Variants in PPP2R5A observed in about 807,000 individuals in gnomAD.
PPP2R5A encodes the protein serine/threonine-protein phosphatase 2A 56 kDa regulatory subunit alpha isoform.
PPP2R5A carries 25 observed loss-of-function variants against 64.2 expected under a neutral mutation model. The ratio of observed to expected loss-of-function variants is 0.39; its 90% CI spans 0.28 to 0.54. The LOEUF (loss-of-function observed/expected upper bound fraction) is 0.54, where lower values mean the gene tolerates loss of function less well. PPP2R5A is among the 20% of genes least tolerant of loss of function. The pLI is 0.67. For missense variants in PPP2R5A, 425 were observed against 576.3 expected, an observed-to-expected ratio of 0.74 and a Z score of 2.69; for synonymous variants, 198 against 201.2, an observed-to-expected ratio of 0.98 and a Z score of 0.13.
intron 6 of PPP2R5A, among the ~76,000 whole-genome samples, chr1:212,347,612 TC>T (rs1169216638): frequency 6.6e-6 from 1 of 151,994 alleles, no homozygotes; most frequent in East Asian, 1.9e-4. Flanking sequence ...CGTTCTCGGC[TC>T]ACTGCAACCT....
chr1:212,356,549 A>C (rs893005150), intron 8 of PPP2R5A, 77 bp from the exon 9 acceptor site: 1 of 1,357,748 alleles, frequency 7.4e-7, no homozygotes, highest in Non-Finnish European at 1.0e-6. Context: ...GTGTTGATAT[A>C]ATCACAGCTA....
intron 1 of PPP2R5A, among the ~76,000 whole-genome samples, chr1:212,317,040 T>C (rs1285073178): frequency 6.6e-6 from 1 of 152,234 alleles, no homozygotes; most frequent in Non-Finnish European, 1.5e-5. Flanking sequence ...TTTCACTAGA[T>C]ATTTCTTAAT....
At chr1:212,332,743 C>T (rs1341772635) in intron 2 of PPP2R5A, among the ~76,000 whole-genome samples, 3 of 151,920 alleles carry the variant, frequency 2.0e-5, no homozygotes, top group Non-Finnish European at 2.9e-5. Flanking sequence ...AGTTATAAGG[C>T]AAGTATAGAA....
intron 1 of PPP2R5A, 53 bp from the exon 2 acceptor site, chr1:212,329,082 A>C: frequency 7.9e-7 from 1 of 1,261,794 alleles, no homozygotes; most frequent in South Asian, 2.1e-5. Context: ...TAAATATATA[A>C]AAGTAACTTC....
At chr1:212,306,112 G>A (rs910678265) in intron 1 of PPP2R5A, among the ~76,000 whole-genome samples, 2 of 152,260 alleles carry the variant, frequency 1.3e-5, no homozygotes, top group African/African-American at 2.4e-5. Context: ...CCCATTGGCC[G>A]GGGTCGGGTC....
At chr1:212,333,449 T>TTC in intron 2 of PPP2R5A, 48 bp from the exon 3 acceptor site, 1 of 1,225,120 alleles carries the variant, frequency 8.2e-7, no homozygotes, top group South Asian at 1.7e-5. Flanking sequence ...AATTGTCCAA[T>TTC]TCAATTACAC....
chr1:212,341,088 C>T lies in PPP2R5A; in HGVS notation c.481-1100C>T, dbSNP rs550714160. On this transcript the variant is annotated intron_variant, in intron 3 of 12. Transcript: ENST00000261461. ...TGGGCTAAGTTTCTGCTTTTTATAC[C>T]TATTAGGTTACAATAAAAAAAAACT... Among the ~76,000 whole-genome samples, 68 of 152,102 alleles carry T rather than the reference C, an allele frequency of 4.5e-4. 1 individual carries two copies. The South Asian group carries it at 4.8e-3, about 11-fold the overall frequency.
chr1:212,355,517 G>A (rs1366840018), intron 8 of PPP2R5A, among the ~76,000 whole-genome samples: 1 of 152,052 alleles, frequency 6.6e-6, no homozygotes, highest in Non-Finnish European at 1.5e-5. Flanking sequence ...AGGCCTAGAT[G>A]GTTTTACAGC....
intron 5 of PPP2R5A, 45 bp from the exon 6 acceptor site, chr1:212,347,302 C>G (rs1387013903): frequency 7.3e-7 from 1 of 1,376,484 alleles, no homozygotes; most frequent in East Asian, 2.3e-5. Context: ...TCTTAGTTTT[C>G]TGAAGTTTGA....
At chr1:212,290,700 G>A (rs7544944) in intron 1 of PPP2R5A, among the ~76,000 whole-genome samples, 3,776 of 152,144 alleles carry the variant, frequency 0.025, 61 homozygotes, top group African/African-American at 0.034. Flanking sequence ...TGTTAATTGT[G>A]GATTATTTTA....
At chr1:212,357,672 G>A (rs12128123) in intron 11 of PPP2R5A, among the ~76,000 whole-genome samples, 23,397 of 151,860 alleles carry the variant, frequency 0.15, 2,495 homozygotes, top group East Asian at 0.36. Context: ...GCGTGGTGGC[G>A]GGCGCCTGTG....
intron 1 of PPP2R5A, among the ~76,000 whole-genome samples, chr1:212,307,575 A>G (rs992870757): frequency 3.3e-5 from 5 of 152,200 alleles, no homozygotes; most frequent in African/African-American, 7.2e-5. Context: ...CAACCGTCCA[A>G]TGGTACATTA....
intron 1 of PPP2R5A, among the ~76,000 whole-genome samples, chr1:212,307,747 A>G (rs1484322664): frequency 2.0e-5 from 3 of 152,210 alleles, no homozygotes; most frequent in Non-Finnish European, 4.4e-5. Context: ...CTTGAGCCTG[A>G]AGGAAATCCT....
chr1:212,353,345 CCA>C (rs1365454112), intron 8 of PPP2R5A, among the ~76,000 whole-genome samples: 1 of 152,152 alleles, frequency 6.6e-6, no homozygotes. Flanking sequence ...TTCACTTTTG[CCA>C]CAGTCTGTTC....
intron 1 of PPP2R5A, among the ~76,000 whole-genome samples, chr1:212,304,274 C>T (rs1658853574): frequency 6.6e-6 from 1 of 152,078 alleles, no homozygotes; most frequent in Non-Finnish European, 1.5e-5. Flanking sequence ...TGGGGTCAGC[C>T]AGGTGCGGTG....
chr1:212,349,327 T>G, intron 8 of PPP2R5A, 85 bp downstream of exon 8: 1 of 990,066 alleles, frequency 1.0e-6, no homozygotes, highest in Non-Finnish European at 1.4e-6. Flanking sequence ...TTATAGTTAT[T>G]AAGTAGAATA....
intron 1 of PPP2R5A, among the ~76,000 whole-genome samples, chr1:212,308,024 A>G (rs1360578495): frequency 1.7e-4 from 26 of 151,738 alleles, no homozygotes; most frequent in Admixed American, 1.7e-3. Flanking sequence ...TAATTTTTGT[A>G]TTTTTTTGTA....
intron 6 of PPP2R5A, among the ~76,000 whole-genome samples, chr1:212,348,184 A>C (rs1050502393): frequency 6.6e-6 from 1 of 152,208 alleles, no homozygotes; most frequent in African/African-American, 2.4e-5. Context: ...ATTAATTGAC[A>C]GTCCTAATTT....
intron 3 of PPP2R5A, among the ~76,000 whole-genome samples, chr1:212,340,433 G>C (rs1213834288): frequency 6.6e-6 from 1 of 152,122 alleles, no homozygotes; most frequent in Non-Finnish European, 1.5e-5. Context: ...CCCAGTACTG[G>C]ACATGAAAAT....
Sources: allele counts gnomAD v4.1 joint callset (sites outside exome capture counted in the v4.1 genomes callset), GRCh38; gene constraint gnomAD v4.1.1; transcripts MANE v1.5; gene names NCBI Gene and HGNC (gene_info 2026-07-23, HGNC 2026-07-21).